The following TTC39B variants were observed in gnomAD, a reference collection of about 807,000 sequenced individuals.
TTC39B encodes the protein tetratricopeptide repeat protein 39B.
TTC39B carries 92 observed loss-of-function variants against 96.6 expected under a neutral mutation model. The ratio of observed to expected loss-of-function variants is 0.95; its 90% CI spans 0.80 to 1.13. The LOEUF (loss-of-function observed/expected upper bound fraction) is 1.13, where lower values mean the gene tolerates loss of function less well. Ranked by LOEUF, TTC39B falls within the 50% of genes most tolerant of loss-of-function variation. TTC39B has a pLI of 0.00. For missense variants in TTC39B, 955 were observed against 809.3 expected (o/e 1.18, Z -2.18); for synonymous variants, 367 against 299.4 (o/e 1.23, Z -2.33).
chr9:15,182,671 T>C (rs556156593), intron 16 of TTC39B, among the ~76,000 whole-genome samples: 4 of 152,318 alleles, frequency 2.6e-5, no homozygotes, highest in Admixed American at 6.5e-5. Flanking sequence ...TGGAAGGTAA[T>C]AGAATACAGA....
intron 1 of TTC39B, among the ~76,000 whole-genome samples, chr9:15,296,449 T>C (rs979961456): frequency 6.6e-6 from 1 of 152,116 alleles, no homozygotes; most frequent in Non-Finnish European, 1.5e-5. Flanking sequence ...AAAGCAAAAA[T>C]ATTCCCCAAA....
intron 18 of TTC39B, among the ~76,000 whole-genome samples, chr9:15,175,566 C>T (rs1031416291): frequency 2.0e-5 from 3 of 152,056 alleles, no homozygotes; most frequent in Non-Finnish European, 4.4e-5. Context: ...AAGAAATGGT[C>T]AACACTTCTG....
intron 3 of TTC39B, among the ~76,000 whole-genome samples, chr9:15,222,339 C>T (rs1161862962): frequency 2.6e-5 from 4 of 152,132 alleles, no homozygotes; most frequent in African/African-American, 7.2e-5. Flanking sequence ...GCACACAGCT[C>T]GGTGGTGTTA....
intron 19 of TTC39B, among the ~76,000 whole-genome samples, chr9:15,174,806 T>C (rs906746272): frequency 1.3e-5 from 2 of 152,170 alleles, no homozygotes; most frequent in Non-Finnish European, 2.9e-5. Flanking sequence ...ATCATATCTG[T>C]AAACAGTCAC....
At chr9:15,237,430 T>A (rs1821836133) in intron 2 of TTC39B, among the ~76,000 whole-genome samples, 2 of 151,604 alleles carry the variant, frequency 1.3e-5, no homozygotes, top group South Asian at 4.2e-4. Context: ...ATAAGCATAA[T>A]CAAAAATGAT....
chr9:15,170,352 A>G (rs920193557), exon 20 of TTC39B: 3 of 152,178 alleles, frequency 2.0e-5, no homozygotes, highest in African/African-American at 7.2e-5. Context: ...ACATGAATAC[A>G]CAGTAAGGTA....
intron 1 of TTC39B, among the ~76,000 whole-genome samples, chr9:15,281,003 T>C (rs73646026): frequency 0.074 from 11,229 of 152,054 alleles, 602 homozygotes; most frequent in African/African-American, 0.16. Context: ...AAGAATAATT[T>C]ATTTCTTTTT....
chr9:15,171,959 G>T, exon 20 of TTC39B: 4 of 1,307,670 alleles, frequency 3.1e-6, no homozygotes, highest in South Asian at 1.3e-5. Context: ...TTAATATAAG[G>T]TTGAATCTAT....
At chr9:15,246,176 C>A (rs545481373) in intron 2 of TTC39B, among the ~76,000 whole-genome samples, 5 of 152,252 alleles carry the variant, frequency 3.3e-5, no homozygotes, top group African/African-American at 4.8e-5. Flanking sequence ...TTGCTTGAAC[C>A]TGGGAGGCAG....
intron 3 of TTC39B, among the ~76,000 whole-genome samples, chr9:15,217,888 C>G (rs540726693): frequency 6.6e-6 from 1 of 152,090 alleles, no homozygotes; most frequent in South Asian, 2.1e-4. Context: ...TCCAACCAGA[C>G]CGGAATGATG....
chr9:15,205,774 G>C (rs1819810304), intron 6 of TTC39B, among the ~76,000 whole-genome samples: 1 of 151,992 alleles, frequency 6.6e-6, no homozygotes, highest in African/African-American at 2.4e-5. Flanking sequence ...ACAGATTGCT[G>C]GCTTGGGGTA....
exon 20 of TTC39B, chr9:15,164,189 G>C (rs990025582): frequency 1.3e-5 from 2 of 152,156 alleles, no homozygotes; most frequent in African/African-American, 4.8e-5. Flanking sequence ...GTTTTGCTCT[G>C]CAAAACTGTG....
intron 3 of TTC39B, among the ~76,000 whole-genome samples, chr9:15,221,249 T>C (rs970464073): frequency 6.6e-6 from 1 of 152,140 alleles, no homozygotes; most frequent in Non-Finnish European, 1.5e-5. Context: ...TTCCCATCAT[T>C]TCTTCTACAT....
At chr9:15,256,868 C>T (rs1403042338) in intron 2 of TTC39B, among the ~76,000 whole-genome samples, 1 of 152,120 alleles carries the variant, frequency 6.6e-6, no homozygotes, top group Non-Finnish European at 1.5e-5. Flanking sequence ...TGTGGGAGCC[C>T]AACCACCTCA....
chr9:15,241,151 C>CT, intron 2 of TTC39B, among the ~76,000 whole-genome samples: 1 of 152,110 alleles, frequency 6.6e-6, no homozygotes, highest in East Asian at 1.9e-4. Flanking sequence ...TCCCTTAGCT[C>CT]TGTATGGAAA....
chr9:15,184,947 A>T (rs534243927), intron 16 of TTC39B, among the ~76,000 whole-genome samples: 1 of 152,188 alleles, frequency 6.6e-6, no homozygotes, highest in African/African-American at 2.4e-5. Context: ...TTGCATTAGA[A>T]TTCAACTCAA....
At chr9:15,177,751 T>G (rs1818020838) in exon 18 of TTC39B, 8 of 1,613,766 alleles carry the variant, frequency 5.0e-6, no homozygotes, top group Non-Finnish European at 6.8e-6. Flanking sequence ...CTGTAAGTTC[T>G]TGAGGCAACA....
At chr9:15,236,911 C>G (rs1821807348) in intron 2 of TTC39B, among the ~76,000 whole-genome samples, 5 of 151,804 alleles carry the variant, frequency 3.3e-5, no homozygotes, top group Admixed American at 3.3e-4. Context: ...CATCACAACT[C>G]AAGGAACTAG....
chr9:15,172,096 C>T (rs1817692274), exon 20 of TTC39B: 1 of 1,612,192 alleles, frequency 6.2e-7, no homozygotes, highest in Non-Finnish European at 8.5e-7. Context: ...AGGGAGTAAT[C>T]TTTGTAGTTG....
Sources: allele counts gnomAD v4.1 joint callset (sites outside exome capture counted in the v4.1 genomes callset), GRCh38; gene constraint gnomAD v4.1.1; transcripts MANE v1.5; gene names NCBI Gene and HGNC (gene_info 2026-07-23, HGNC 2026-07-21).